RAP1GAP2: variants seen among roughly 807,000 people sequenced by gnomAD.
RAP1GAP2 encodes rap1 GTPase-activating protein 2.
In RAP1GAP2, 27 loss-of-function variants were observed where a neutral mutation model predicts 95.0. The ratio of observed to expected loss-of-function variants is 0.28; its 90% CI spans 0.21 to 0.39. RAP1GAP2 has a LOEUF of 0.39. Ranked by LOEUF, RAP1GAP2 falls within the 10% of genes least tolerant of loss-of-function variation. The pLI, the probability that RAP1GAP2 is intolerant of heterozygous loss-of-function variation, is 1.00. For missense variants in RAP1GAP2, 771 were observed against 970.0 expected (o/e 0.79, Z 2.72); for synonymous variants, 373 against 380.9 (o/e 0.98, Z 0.24).
At chr17:2,875,363 G>A (rs57453135) in intron 2 of RAP1GAP2, among the ~76,000 whole-genome samples, 14,722 of 152,070 alleles carry the variant, frequency 0.097, 1,263 homozygotes, top group African/African-American at 0.24. Flanking sequence ...CACTGCACCC[G>A]GCCACAAGCA....
At chr17:2,840,971 C>T (rs537290839) in intron 2 of RAP1GAP2, among the ~76,000 whole-genome samples, 25 of 151,824 alleles carry the variant, frequency 1.6e-4, no homozygotes, top group Admixed American at 2.6e-4. Context: ...GCACTCCAGC[C>T]TGGGTGACAG....
rs1199923535 is a variant in RAP1GAP2, at chr17:2,796,926, G to A, written c.44+355G>A. On this transcript the variant is annotated intron_variant, in intron 1 of 24. Transcript: ENST00000254695. This position sits in a 1 kb window ranked among gnomAD's most constrained non-coding sequence, Gnocchi z 4.7. ...ATTATGTGTAAGTGTGTGTGTGCGCGTTTGAGCCTGTGTGTGCAGGCGTGT... is the reference window on the plus strand; with the variant it reads ...ATTATGTGTAAGTGTGTGTGTGCGCATTTGAGCCTGTGTGTGCAGGCGTGT... Among the ~76,000 whole-genome samples the A allele has an allele frequency of 2.0e-5, 3 of 152,202 alleles. No homozygotes were observed. Among genetic ancestry groups the A allele is most frequent in the South Asian group, 4.1e-4 (2 of 4,820 alleles).
chr17:2,984,737 A>AGTG (rs1157717276), intron 10 of RAP1GAP2, among the ~76,000 whole-genome samples: 2 of 152,108 alleles, frequency 1.3e-5, no homozygotes, highest in African/African-American at 4.8e-5. Context: ...TCTGGATGGG[A>AGTG]GTGGAATGAG....
intron 1 of RAP1GAP2, among the ~76,000 whole-genome samples, chr17:2,763,848 G>A (rs2068230221): frequency 1.3e-5 from 2 of 152,272 alleles, no homozygotes; most frequent in Admixed American, 6.5e-5. Flanking sequence ...CCAGTGGAAA[G>A]GGTGAGTGAT....
intron 1 of RAP1GAP2, chr17:2,800,277 C>T (rs1405015131): frequency 3.2e-6 from 3 of 946,726 alleles, no homozygotes; most frequent in East Asian, 1.2e-4. Context: ...TGGGTTTCCT[C>T]ATCTCTGAAA....
At chr17:2,968,954 A>G (rs757940712) in intron 8 of RAP1GAP2, among the ~76,000 whole-genome samples, 10 of 152,100 alleles carry the variant, frequency 6.6e-5, no homozygotes, top group Non-Finnish European at 1.3e-4. Flanking sequence ...CCATCTTTTC[A>G]TAAAAGGTAA....
intron 11 of RAP1GAP2, among the ~76,000 whole-genome samples, chr17:2,990,098 T>C (rs11651909): frequency 0.055 from 8,442 of 152,342 alleles, 281 homozygotes; most frequent in Middle Eastern, 0.099. Context: ...CCAAATAATA[T>C]TCCATTGTGT....
At chr17:2,889,879 A>G (rs1284873623) in intron 2 of RAP1GAP2, among the ~76,000 whole-genome samples, 1 of 76,952 alleles carries the variant, frequency 1.3e-5, no homozygotes, top group South Asian at 5.2e-4. Flanking sequence ...ATATATATAT[A>G]TATATATATA....
At chr17:2,885,653 A>C (rs1217743713) in intron 2 of RAP1GAP2, among the ~76,000 whole-genome samples, 2 of 152,334 alleles carry the variant, frequency 1.3e-5, no homozygotes, top group East Asian at 3.9e-4. Context: ...GGGCTGAAGC[A>C]GTGCCTTTTC....
chr17:3,000,073 A>G, intron 14 of RAP1GAP2, among the ~76,000 whole-genome samples: 1 of 152,044 alleles, frequency 6.6e-6, no homozygotes, highest in East Asian at 1.9e-4. Context: ...TCAGCCTCCC[A>G]AGTAGCTGGG....
intron 2 of RAP1GAP2, among the ~76,000 whole-genome samples, chr17:2,880,648 C>A (rs539240294): frequency 2.0e-5 from 3 of 152,158 alleles, no homozygotes; most frequent in African/African-American, 7.2e-5. Flanking sequence ...CCGCCTCCCC[C>A]ATCCCGAAGC....
At chr17:3,022,283 G>A (rs1262157246) in intron 19 of RAP1GAP2, among the ~76,000 whole-genome samples, 1 of 152,180 alleles carries the variant, frequency 6.6e-6, no homozygotes, top group African/African-American at 2.4e-5. Context: ...TCAGGATATG[G>A]AGAAATGGGA....
chr17:2,901,294 C>T (rs1276951695), intron 2 of RAP1GAP2, among the ~76,000 whole-genome samples: 1 of 152,304 alleles, frequency 6.6e-6, no homozygotes, highest in Non-Finnish European at 1.5e-5. Context: ...CCTGCCCTTC[C>T]AGCCTGCCCT....
chr17:2,959,837 C>G (rs1411208312), intron 4 of RAP1GAP2, among the ~76,000 whole-genome samples: 1 of 152,074 alleles, frequency 6.6e-6, no homozygotes, highest in Non-Finnish European at 1.5e-5. Context: ...AAGATAATAC[C>G]CATTGTGGCC....
intron 2 of RAP1GAP2, among the ~76,000 whole-genome samples, chr17:2,890,663 C>A (rs1167097588): frequency 6.6e-6 from 1 of 151,620 alleles, no homozygotes; most frequent in East Asian, 1.9e-4. Context: ...AGTTTTTGGT[C>A]CAATTCAATG....
rs1008474950 is a variant in RAP1GAP2 at position 2,906,342 on chromosome 17, C to T, written c.165+974C>T. On this transcript the variant is annotated intron_variant, in intron 3 of 24. Transcript: ENST00000254695. The surrounding 1 kb of genome is among the most constrained non-coding windows in gnomAD (Gnocchi z 4.3). ...CCCATAGGAAGCAGATAAAACCCAT[C>T]CATCTTCCTGTTGTTGTCCTGTATC... Among the ~76,000 whole-genome samples, 14 of 152,152 alleles carry T rather than the reference C, an allele frequency of 9.2e-5. No individual in the cohort carries two copies. The highest frequency in any genetic ancestry group is 3.4e-4 in the African/African-American group (14 of 41,428).
At chr17:2,831,090 T>C (rs1294527029) in intron 2 of RAP1GAP2, among the ~76,000 whole-genome samples, 1 of 94,588 alleles carries the variant, frequency 1.1e-5, no homozygotes, top group Admixed American at 1.4e-4. Flanking sequence ...TCTTTCTTTC[T>C]TTTTTTGAGA....
chr17:2,852,927 TCG>T (rs2071931080), intron 2 of RAP1GAP2, among the ~76,000 whole-genome samples: 1 of 151,992 alleles, frequency 6.6e-6, no homozygotes, highest in Admixed American at 6.6e-5. Flanking sequence ...GAGATGAGGC[TCG>T]CGCGCGGCTG....
chr17:2,911,134 G>A (rs528547443), intron 3 of RAP1GAP2, among the ~76,000 whole-genome samples: 2 of 152,320 alleles, frequency 1.3e-5, no homozygotes, highest in Admixed American at 6.5e-5. Flanking sequence ...GGCTGGAGCA[G>A]TAGCTGGCCT....
Sources: gnomAD v4.1 joint callset for allele counts (sites outside exome capture counted in the v4.1 genomes callset) on GRCh38, gnomAD v4.1.1 for gene constraint, Gnocchi (gnomAD v3.1) non-coding constraint, MANE v1.5 for transcripts, NCBI Gene and HGNC (gene_info 2026-07-23, HGNC 2026-07-21) for gene names.